TLK2: variants seen among roughly 807,000 people sequenced by gnomAD.
TLK2 encodes tousled like kinase 2.
Under a neutral mutation model 117.3 loss-of-function variants are expected in TLK2, and 6 were observed. That is an observed-to-expected ratio of 0.05 (90% confidence interval 0.03 to 0.10). The LOEUF (loss-of-function observed/expected upper bound fraction) is 0.10, where lower values mean the gene tolerates loss of function less well. Among genes scored for constraint, TLK2 ranks in the 10% least tolerant of loss-of-function variants. TLK2 has a pLI of 1.00. For synonymous variants in TLK2, 257 were observed against 316.7 expected (o/e 0.81, Z 2.00); for missense variants, 299 against 901.2 (o/e 0.33, Z 8.56).
At chr17:62,477,282 C>T (rs1419762639), upstream of TLK2, among the ~76,000 whole-genome samples, 5 of 152,064 alleles carry the variant, frequency 3.3e-5, no homozygotes, top group East Asian at 3.9e-4. Flanking sequence ...CTTTTCCTAC[C>T]CTCTACCCCC....
At chr17:62,522,421 C>T (rs1354711832) in intron 4 of TLK2, 148 bp downstream of exon 4, 11 of 897,672 alleles carry the variant, frequency 1.2e-5, no homozygotes, top group Non-Finnish European at 1.8e-5. Flanking sequence ...CTGTTTATTA[C>T]AGACTTGCCA....
chr17:62,489,866 A>G (rs1280594534), intron 2 of TLK2, among the ~76,000 whole-genome samples: 1 of 151,986 alleles, frequency 6.6e-6, no homozygotes, highest in Non-Finnish European at 1.5e-5. Flanking sequence ...GATGGAGTCA[A>G]CTTGCCCAGG....
At chr17:62,506,729 A>G (rs900781575) in intron 2 of TLK2, among the ~76,000 whole-genome samples, 1 of 151,884 alleles carries the variant, frequency 6.6e-6, no homozygotes, top group Non-Finnish European at 1.5e-5. Context: ...CAGAGCTTCT[A>G]GTTTCTGTCT....
chr17:62,603,530 T>C (rs1479532937), intron 19 of TLK2, among the ~76,000 whole-genome samples: 3 of 152,188 alleles, frequency 2.0e-5, no homozygotes, highest in African/African-American at 7.2e-5. Flanking sequence ...TTTGATCTTT[T>C]TTTTTTTAAG....
rs759245846 is a variant in TLK2, at chr17:62,602,151, G to A, written c.1830G>A (p.Glu610=). 19 of 1,613,734 alleles carry A rather than the reference G, an allele frequency of 1.2e-5. No individual in the cohort carries two copies. The East Asian group carries it at 2.5e-4, about 21-fold the overall frequency. Residue 610 remains glutamate, a synonymous_variant, in exon 19 of 22, where the codon GAG becomes GAA. Coordinates refer to ENST00000346027, the MANE Select transcript of TLK2 (RefSeq NM_006852.6). ...GCTACAATTCAGTGGATGGCATGGA[G>A]CTAACATCACAAGGTGCTGGTACTT... ...DDSYNSVDGM[E]LTSQGAGTYW...
At chr17:62,585,906 G>A (rs915654327) in intron 15 of TLK2, 7 of 385,426 alleles carry the variant, frequency 1.8e-5, no homozygotes, top group Non-Finnish European at 2.9e-5. Context: ...TGTTTGTGGT[G>A]TTGGCCTGGT....
In TLK2 at chr17:62,545,692, CTTGTTGTTG is replaced by C. The variant is rs201939423; in HGVS notation, c.532-6595_532-6587del. Among the ~76,000 whole-genome samples, 587 of 152,030 alleles carry C rather than the reference CTTGTTGTTG, an allele frequency of 3.9e-3. 1 individual carries two copies. The highest frequency in any genetic ancestry group is 6.9e-3 in the Non-Finnish European group (468 of 67,962). ...CATTTTTTAGGTTAACAAAGTTCCTCTTGTTGTTGTTGTTGTTGTTGTTTAAAGACAGGG... is the reference window on the plus strand; with the variant it reads ...CATTTTTTAGGTTAACAAAGTTCCTCTTGTTGTTGTTGTTTAAAGACAGGG... On this transcript the variant is annotated intron_variant, in intron 7 of 21. Coordinates refer to ENST00000346027, the MANE Select transcript of TLK2 (RefSeq NM_006852.6).
chr17:62,478,206 G>C (rs1259970424), upstream of TLK2: 2 of 151,918 alleles, frequency 1.3e-5, no homozygotes, highest in Admixed American at 6.6e-5. Flanking sequence ...CACTAACCGG[G>C]CGCCTCCGGG....
chr17:62,567,134 G>A (rs978015877), intron 11 of TLK2, among the ~76,000 whole-genome samples: 1 of 152,124 alleles, frequency 6.6e-6, no homozygotes, highest in Non-Finnish European at 1.5e-5. Flanking sequence ...AGGCTGAGGT[G>A]GGAGGATGAC....
intron 12 of TLK2, chr17:62,574,375 T>A (rs1470962331): frequency 1.3e-6 from 2 of 1,539,200 alleles, no homozygotes; most frequent in Non-Finnish European, 1.8e-6. Context: ...AGCTAAAGGA[T>A]ACAGCCCCAG....
intron 2 of TLK2, among the ~76,000 whole-genome samples, chr17:62,506,233 G>T (rs770568564): frequency 3.3e-5 from 5 of 152,198 alleles, no homozygotes; most frequent in African/African-American, 4.8e-5. Flanking sequence ...TCTCCCAACT[G>T]TCTTCTCCAG....
At chr17:62,499,038 A>AT (rs1316013701) in intron 2 of TLK2, among the ~76,000 whole-genome samples, 15 of 151,562 alleles carry the variant, frequency 9.9e-5, no homozygotes. Flanking sequence ...TAATTTTTGT[A>AT]TTTTTTGTAA....
At chr17:62,528,589 G>C (rs1208978179) in intron 6 of TLK2, among the ~76,000 whole-genome samples, 35 of 151,894 alleles carry the variant, frequency 2.3e-4, no homozygotes, top group Admixed American at 2.3e-3. Context: ...GCTAATTTTT[G>C]TGTTTTTAGT....
chr17:62,516,066 A>T (rs1246519773), intron 2 of TLK2, among the ~76,000 whole-genome samples: 1 of 151,930 alleles, frequency 6.6e-6, no homozygotes, highest in Admixed American at 6.6e-5. Context: ...CTGGAATTAC[A>T]GGCGCCCGCC....
chr17:62,550,871 T>G lies in TLK2; in HGVS notation c.532-1431T>G, dbSNP rs545008297. ...TCTTGCTCTGTCACCCAGGCTGGAG[T>G]GCAGTGGTGTGATCTCATCTCACTG... On this transcript the variant is annotated intron_variant, in intron 7 of 21. Coordinates refer to ENST00000346027, the MANE Select transcript of TLK2 (RefSeq NM_006852.6). The G allele has an allele frequency of 2.0e-5, 3 of 152,438 alleles. No individual in the cohort carries two copies. The East Asian group carries it at 5.8e-4, about 29-fold the overall frequency. 9.4% of individuals were successfully genotyped at this position (152,438 alleles called of 1,614,324 possible).
rs551180730 is a variant in TLK2, at chr17:62,528,518, G to C, written c.363+4187G>C. ...TGCAACCTCAGCCTCCCGGGTTCAA[G>C]CGATTCTCCTGCCTCAGCCTCCCGA... On this transcript the variant is annotated intron_variant, in intron 6 of 21. Transcript: ENST00000346027. Among the ~76,000 whole-genome samples the C allele has an allele frequency of 1.9e-3, 295 of 152,234 alleles. 2 individuals carry two copies. The highest frequency in any genetic ancestry group is 6.9e-3 in the African/African-American group (287 of 41,526).
chr17:62,611,063 A>G (rs573382815), intron 21 of TLK2, among the ~76,000 whole-genome samples: 2 of 152,288 alleles, frequency 1.3e-5, no homozygotes, highest in South Asian at 2.1e-4. Flanking sequence ...ACTTGAGCCC[A>G]GGAGTTTGAG....
chr17:62,564,963 T>G (rs748576173), intron 10 of TLK2, 38 bp from the exon 11 acceptor site: 1 of 1,583,272 alleles, frequency 6.3e-7, no homozygotes, highest in South Asian at 1.2e-5. Context: ...TCCATGCTAA[T>G]TGGTATTGAA....
At chr17:62,548,255 T>TGC (rs2078110649) in intron 7 of TLK2, among the ~76,000 whole-genome samples, 1 of 150,806 alleles carries the variant, frequency 6.6e-6, no homozygotes, top group African/African-American at 2.4e-5. Context: ...TGTGTGTGTG[T>TGC]GTGTGTGTGT....
Sources: gnomAD v4.1 joint callset for allele counts (sites outside exome capture counted in the v4.1 genomes callset) on GRCh38, gnomAD v4.1.1 for gene constraint, MANE v1.5 for transcripts, NCBI Gene and HGNC (gene_info 2026-07-23, HGNC 2026-07-21) for gene names.